Variants in FAM234A observed in about 807,000 individuals in gnomAD.
FAM234A encodes the protein protein FAM234A.
FAM234A carries 42 observed loss-of-function variants against 49.1 expected under a neutral mutation model. That is an observed-to-expected ratio of 0.86 (90% CI 0.67 to 1.11). The LOEUF (loss-of-function observed/expected upper bound fraction) is 1.11, where lower values mean the gene tolerates loss of function less well. FAM234A is among the 50% of genes least tolerant of loss of function. The probability of loss-of-function intolerance (pLI) is 0.00; values close to 1 mark genes in which losing one functional copy is unlikely to be tolerated. For missense variants in FAM234A, 815 were observed against 745.2 expected, an observed-to-expected ratio of 1.09 and a Z score of -1.09; for synonymous variants, 369 against 316.2, an observed-to-expected ratio of 1.17 and a Z score of -1.77.
intron 8 of FAM234A, among the ~76,000 whole-genome samples, 153 bp from the exon 9 acceptor site, chr16:263,109 C>T (rs113277586): frequency 1.3e-5 from 2 of 152,178 alleles, no homozygotes; most frequent in African/African-American, 2.4e-5. Flanking sequence ...TGAGCCACCG[C>T]GCCCAGCTCT....
chr16:266,387 C>T (rs146728655), downstream of FAM234A, among the ~76,000 whole-genome samples: 44 of 152,354 alleles, frequency 2.9e-4, no homozygotes, highest in African/African-American at 9.4e-4. Flanking sequence ...CTGGAACAGA[C>T]GGTGGCCTCG....
intron 3 of FAM234A, among the ~76,000 whole-genome samples, chr16:256,305 C>T (rs544150121): frequency 1.3e-5 from 2 of 152,164 alleles, no homozygotes; most frequent in South Asian, 4.1e-4. Context: ...GCGACTGCAC[C>T]ATTTGACTAT....
rs1567222691 is a variant in FAM234A, at chr16:260,178, CG to C, written c.577+22del. On this transcript the variant is annotated intron_variant, in intron 5 of 12. Coordinates refer to ENST00000399932, the MANE Select transcript of FAM234A (RefSeq NM_032039.4). ...GTTCACAGGTAGGCCAGCCAGGCAG[CG>C]GGGTTCTCACTGAGGGCCTCTCACC... 4 of 1,610,958 alleles carry C rather than the reference CG, an allele frequency of 2.5e-6. No individual in the cohort carries two copies. Among genetic ancestry groups the C allele is most frequent in the Non-Finnish European group, 3.4e-6 (4 of 1,178,450 alleles).
intron 2 of FAM234A, 111 bp from the exon 3 acceptor site, chr16:254,270 A>T: frequency 1.3e-6 from 1 of 792,216 alleles, no homozygotes; most frequent in Non-Finnish European, 2.1e-6. Context: ...GGTGGCCCAT[A>T]GTTAGAGCTG....
At chr16:240,530 C>T (rs1199032367) in intron 1 of FAM234A, among the ~76,000 whole-genome samples, 5 of 147,242 alleles carry the variant, frequency 3.4e-5, no homozygotes, top group South Asian at 2.1e-4. Flanking sequence ...GAGACAGAGT[C>T]TTGCTCTTGT....
chr16:265,404 C>T lies in FAM234A; in HGVS notation c.*382C>T, dbSNP rs934103478. 4.1e-5 allele frequency: 42 copies of T among 1,022,704 alleles called. No homozygotes were observed. Among genetic ancestry groups the T allele is most frequent in the South Asian group, 8.6e-5 (2 of 23,192 alleles). The allele number at this position is 1,022,704 out of a possible 1,614,324, so 63.4% of individuals were successfully genotyped here. ...TTGCCAGCTTCTCCCCAGGCCAGAG[C>T]GGCCATCGCGTAGAAAGAACCAGGG... is the stretch of plus-strand genomic sequence containing the variant. On this transcript the variant is annotated 3_prime_UTR_variant, in exon 13 of 13. Transcript: ENST00000399932.
chr16:261,581 C>T, intron 6 of FAM234A, 67 bp downstream of exon 6: 1 of 1,502,236 alleles, frequency 6.7e-7, no homozygotes, highest in Non-Finnish European at 8.9e-7. Context: ...GCTCTACCTC[C>T]CCATCTGCTG....
intron 1 of FAM234A, among the ~76,000 whole-genome samples, chr16:242,373 C>G (rs1327352213): frequency 6.6e-6 from 1 of 152,076 alleles, no homozygotes; most frequent in Admixed American, 6.6e-5. Flanking sequence ...CACCAACATA[C>G]CCACCTAATT....
rs949590034 is a variant in FAM234A at position 265,733 on chromosome 16, T to C, written c.*711T>C. The C allele has an allele frequency of 1.0e-6, 1 of 985,524 alleles. No homozygotes were observed. Among genetic ancestry groups the C allele is most frequent in the Non-Finnish European group, 1.2e-6 (1 of 830,098 alleles). 61.0% of individuals were successfully genotyped at this position (985,524 alleles called of 1,614,324 possible). ...CCGCTCACAGGTGTCCTTAGTGGTG[T>C]TGCAGCTGTCTACTGGCTGCATGTG... On this transcript the variant is annotated 3_prime_UTR_variant, in exon 13 of 13. Coordinates refer to ENST00000399932, the MANE Select transcript of FAM234A (RefSeq NM_032039.4).
At chr16:236,957 T>C (rs190294767) in intron 1 of FAM234A, among the ~76,000 whole-genome samples, 2 of 151,916 alleles carry the variant, frequency 1.3e-5, no homozygotes, top group East Asian at 3.9e-4. Context: ...GGGGTCTCTC[T>C]TTCTCAGTCT....
chr16:256,785 C>T (rs952776400), intron 3 of FAM234A, among the ~76,000 whole-genome samples: 2 of 151,088 alleles, frequency 1.3e-5, no homozygotes, highest in South Asian at 4.2e-4. Flanking sequence ...TCTTGTTTCC[C>T]AGGCTGGAGT....
downstream of FAM234A, chr16:266,253 C>T (rs2051689889): frequency 4.4e-6 from 1 of 228,844 alleles, no homozygotes; most frequent in Admixed American, 6.5e-5. Context: ...GCACCCCCAC[C>T]CAGACCTGCT....
intron 5 of FAM234A, 111 bp downstream of exon 5, chr16:260,271 G>A: frequency 9.6e-7 from 1 of 1,044,458 alleles, no homozygotes; most frequent in Non-Finnish European, 1.4e-6. Context: ...TGATCTTGAG[G>A]GTGGCTGGAT....
chr16:266,927 C>T (rs2051709413), downstream of FAM234A, among the ~76,000 whole-genome samples: 1 of 151,880 alleles, frequency 6.6e-6, no homozygotes, highest in African/African-American at 2.4e-5. Flanking sequence ...AGGGAGGGGT[C>T]ACCCTGCAGG....
chr16:266,137 C>T, downstream of FAM234A: 3 of 953,700 alleles, frequency 3.1e-6, no homozygotes, highest in Non-Finnish European at 2.5e-6. Flanking sequence ...GTGCGTCTGC[C>T]TGTCTGTCTG....
chr16:252,830 C>T (rs569407164), intron 2 of FAM234A, among the ~76,000 whole-genome samples: 16 of 152,338 alleles, frequency 1.1e-4, no homozygotes, highest in Middle Eastern at 3.4e-3. Flanking sequence ...CCAGAGGGTG[C>T]GGCTTTCAGC....
At chr16:246,530 C>T (rs1010866060) in intron 1 of FAM234A, among the ~76,000 whole-genome samples, 3 of 147,376 alleles carry the variant, frequency 2.0e-5, no homozygotes, top group African/African-American at 7.6e-5. Flanking sequence ...CGCCATTCTC[C>T]TGCCTCAGCC....
At chr16:261,320 A>G in intron 5 of FAM234A, 64 bp from the exon 6 acceptor site, 2 of 1,567,820 alleles carry the variant, frequency 1.3e-6, no homozygotes, top group Non-Finnish European at 8.7e-7. Flanking sequence ...CAGGCCTTGC[A>G]GTTGCCGGGC....
downstream of FAM234A, chr16:268,770 T>C: frequency 6.5e-7 from 1 of 1,549,598 alleles, no homozygotes; most frequent in Non-Finnish European, 8.7e-7. Context: ...TTGGGTCCTC[T>C]TCCAGGCTCA....
Sources: allele counts gnomAD v4.1 joint callset (sites outside exome capture counted in the v4.1 genomes callset), GRCh38; gene constraint gnomAD v4.1.1; transcripts MANE v1.5; gene names NCBI Gene and HGNC (gene_info 2026-07-23, HGNC 2026-07-21).